ST3GAL4: variants seen among roughly 807,000 people sequenced by gnomAD.
The protein encoded by ST3GAL4 is CMP-N-acetylneuraminate-beta-galactosamide-alpha-2,3-sialyltransferase 4.
A neutral mutation model predicts 42.6 loss-of-function variants in ST3GAL4; 24 were observed. That is an observed-to-expected ratio of 0.56 (90% CI 0.41 to 0.79). The LOEUF (loss-of-function observed/expected upper bound fraction) is 0.79. Ranked by LOEUF, ST3GAL4 falls within the 30% of genes least tolerant of loss-of-function variation. The pLI, the probability that ST3GAL4 is intolerant of heterozygous loss-of-function variation, is 0.00. For synonymous variants in ST3GAL4, 135 were observed against 163.2 expected (o/e 0.83, Z 1.32); for missense variants, 311 against 430.8 (o/e 0.72, Z 2.46).
At chr11:126,405,024 C>T (rs79081778) in intron 1 of ST3GAL4, among the ~76,000 whole-genome samples, 9,688 of 152,328 alleles carry the variant, frequency 0.064, 442 homozygotes, top group Non-Finnish European at 0.1. Flanking sequence ...GATCAACCGT[C>T]GGACTCACAT....
Position 126,409,123 on chromosome 11 carries a change from T to G in ST3GAL4, c.628-145T>G, listed in dbSNP as rs943507085. ...CTGGTCTCCCATCTGTGGCACAGAC[T>G]TCACCTCCCTTTCCTCTCACCTTGT... On this transcript the variant is annotated intron_variant, in intron 8 of 10. Transcript: ENST00000444328. The surrounding 1 kb of genome is among the most constrained non-coding windows in gnomAD (Gnocchi z 4.9). 19 of 1,040,568 alleles carry G rather than the reference T, an allele frequency of 1.8e-5. No homozygotes were observed. The African/African-American group carries it at 2.7e-4, about 15-fold the overall frequency. The allele number at this position is 1,040,568 out of a possible 1,614,324, so 64.5% of individuals were successfully genotyped here. A position where few individuals can be genotyped will look rare whatever the true frequency, so the allele number is the denominator to read the frequency against.
Position 126,391,801 on chromosome 11 carries a change from G to A in ST3GAL4, c.-60-14295G>A, listed in dbSNP as rs1434498898. Among the ~76,000 whole-genome samples, 1 of 152,120 alleles carries A rather than the reference G, an allele frequency of 6.6e-6. No individual in the cohort carries two copies. The highest frequency in any genetic ancestry group is 2.4e-5 in the African/African-American group (1 of 41,420). ...AATTGAGAGGGGCTGCCATGTGTCT[G>A]GGGAGGGCAGAACCCAGCGTCACTG... is the stretch of plus-strand genomic sequence containing the variant. On this transcript the variant is annotated intron_variant, in intron 1 of 10. Transcript: ENST00000444328. The surrounding 1 kb of genome is among the most constrained non-coding windows in gnomAD (Gnocchi z 5.5).
rs192379360 is a variant in ST3GAL4 at position 126,380,784 on chromosome 11, C to T, written c.-61+24942C>T. Among the ~76,000 whole-genome samples, 680 of 152,294 alleles carry T rather than the reference C, an allele frequency of 4.5e-3. 4 individuals are homozygous for T. The highest frequency in any genetic ancestry group is 0.015 in the African/African-American group (644 of 41,558). On this transcript the variant is annotated intron_variant, in intron 1 of 10. Transcript: ENST00000444328. ...CTGAGCATCTCCAAAGAAGAGCTGC[C>T]GCATGGAGCTTCCCTGACTGGTGAC...
At chr11:126,380,699 G>A (rs899935166) in intron 1 of ST3GAL4, among the ~76,000 whole-genome samples, 2 of 152,152 alleles carry the variant, frequency 1.3e-5, no homozygotes, top group Non-Finnish European at 2.9e-5. Context: ...CAAATAAAGC[G>A]AATTGCCCTA....
At chr11:126,361,306 A>G (rs1952232864) in intron 1 of ST3GAL4, among the ~76,000 whole-genome samples, 1 of 151,388 alleles carries the variant, frequency 6.6e-6, no homozygotes, top group African/African-American at 2.4e-5. Flanking sequence ...TTCCTTGTAC[A>G]TATTGCGTTT....
rs879567686 is a variant in ST3GAL4, at chr11:126,391,939, G to A, written c.-60-14157G>A. Among the ~76,000 whole-genome samples the A allele has an allele frequency of 0.01, 1,032 of 101,778 alleles. 16 individuals carry two copies. Among genetic ancestry groups the A allele is most frequent in the East Asian group, 0.053 (254 of 4,782 alleles). The allele number at this position is 101,778 out of a possible 152,430, so 66.8% of individuals were successfully genotyped here. ...AGAACACCTGTGATAACTTGGTCGTGTGTGTGTGTGTGTGTGTGTGTGTGT... is the reference window on the plus strand; with the variant it reads ...AGAACACCTGTGATAACTTGGTCGTATGTGTGTGTGTGTGTGTGTGTGTGT... On this transcript the variant is annotated intron_variant, in intron 1 of 10. Coordinates refer to ENST00000444328, the MANE Select transcript of ST3GAL4 (RefSeq NM_001254757.2). This position sits in a 1 kb window ranked among gnomAD's most constrained non-coding sequence, Gnocchi z 5.5.
rs1953563394 is a variant in ST3GAL4, at chr11:126,392,695, T to TAAG, written c.-60-13397_-60-13395dup. ...TTAGTGCTGGAGATACTATGGGACA[T>TAAG]AAGAAGTCCCTGCTTGCTGGGAGTG... On this transcript the variant is annotated intron_variant, in intron 1 of 10. Coordinates refer to ENST00000444328, the MANE Select transcript of ST3GAL4 (RefSeq NM_001254757.2). This position sits in a 1 kb window ranked among gnomAD's most constrained non-coding sequence, Gnocchi z 5.8. Among the ~76,000 whole-genome samples the TAAG allele has an allele frequency of 6.6e-6, 1 of 152,240 alleles. No individual in the cohort carries two copies. The highest frequency in any genetic ancestry group is 2.1e-4 in the South Asian group (1 of 4,836).
intron 1 of ST3GAL4, among the ~76,000 whole-genome samples, chr11:126,388,679 T>TTTTTTTTTTTTTTTTTTTTTTTTTC (rs1239186575): frequency 8.2e-6 from 1 of 122,640 alleles, no homozygotes; most frequent in Non-Finnish European, 1.7e-5. Context: ...TTTTTTTTTT[T>TTTTTTTTTTTTTTTTTTTTTTTTTC]TTCTGATTTA....
At chr11:126,402,250 G>GT (rs1169091005) in intron 1 of ST3GAL4, among the ~76,000 whole-genome samples, 1 of 152,040 alleles carries the variant, frequency 6.6e-6, no homozygotes, top group Non-Finnish European at 1.5e-5. Context: ...GAGGCCAGGA[G>GT]TTGGACACCA....
intron 1 of ST3GAL4, among the ~76,000 whole-genome samples, chr11:126,375,288 T>C (rs895769628): frequency 6.6e-6 from 1 of 152,194 alleles, no homozygotes; most frequent in Non-Finnish European, 1.5e-5. Flanking sequence ...GGCTAGAGAC[T>C]GTGTCTCGTG....
chr11:126,405,412 C>T (rs1305974592), intron 1 of ST3GAL4, among the ~76,000 whole-genome samples: 1 of 152,258 alleles, frequency 6.6e-6, no homozygotes, highest in African/African-American at 2.4e-5. Flanking sequence ...CAGACCCTCC[C>T]AGCTCCCTGT....
chr11:126,380,842 C>A (rs1262975698), intron 1 of ST3GAL4, among the ~76,000 whole-genome samples: 1 of 152,184 alleles, frequency 6.6e-6, no homozygotes, highest in Non-Finnish European at 1.5e-5. Context: ...CTCTTTGACC[C>A]AGAGGAATCT....
intron 1 of ST3GAL4, among the ~76,000 whole-genome samples, chr11:126,382,533 C>T (rs892059986): frequency 1.2e-4 from 18 of 151,854 alleles, no homozygotes; most frequent in Non-Finnish European, 2.7e-4. Flanking sequence ...AGGATGGTTC[C>T]TCAGGGCTGG....
Position 126,406,254 on chromosome 11 carries a change from C to CTG in ST3GAL4, c.16+86_16+87dup. ...AGCAGGATCCTGGGACCTCTGGGGG[C>CTG]TGTGGAGGGACAGACAGGGAGCCAG... On this transcript the variant is annotated intron_variant, in intron 2 of 10. Transcript: ENST00000444328. This position sits in a 1 kb window ranked among gnomAD's most constrained non-coding sequence, Gnocchi z 5.4. The CTG allele has an allele frequency of 6.5e-7, 1 of 1,550,070 alleles. No homozygotes were observed.
chr11:126,358,430 T>C, intron 1 of ST3GAL4: 1 of 452,178 alleles, frequency 2.2e-6, no homozygotes, highest in Non-Finnish European at 4.4e-6. Flanking sequence ...TCTGTATGAG[T>C]GTCCTGAGTG....
Position 126,396,992 on chromosome 11 carries a change from A to T in ST3GAL4, c.-60-9104A>T, listed in dbSNP as rs1057026893. On this transcript the variant is annotated intron_variant, in intron 1 of 10. Transcript: ENST00000444328. The surrounding 1 kb of genome is among the most constrained non-coding windows in gnomAD (Gnocchi z 5.8). The stretch of plus-strand genomic sequence containing the variant: ...GAAGAGGGATTTCCTACTGGTGTCT[A>T]GTAGGTAGAGGCCAGAGATGGCTGC... 2.0e-5 allele frequency among the ~76,000 whole-genome samples: 3 copies of T among 152,092 alleles called. No homozygotes were observed. The highest frequency in any genetic ancestry group is 6.5e-5 in the Admixed American group (1 of 15,268).
Position 126,409,415 on chromosome 11 carries a change from A to G in ST3GAL4, c.771+4A>G, listed in dbSNP as rs1194855259. On this transcript the variant is annotated splice_donor_region_variant and intron_variant, in intron 9 of 10. Coordinates refer to ENST00000444328, the MANE Select transcript of ST3GAL4 (RefSeq NM_001254757.2). This position sits in a 1 kb window ranked among gnomAD's most constrained non-coding sequence, Gnocchi z 4.9. The stretch of plus-strand genomic sequence containing the variant: ...ACAGCCACGGAAGATTAAGCAGGTG[A>G]TGATGGGAAGTCAGGCCTGAGGGCT... 3 of 1,614,092 alleles carry G rather than the reference A, an allele frequency of 1.9e-6. No homozygotes were observed. Among genetic ancestry groups the G allele is most frequent in the African/African-American group, 2.7e-5 (2 of 74,918 alleles).
At chr11:126,357,145 G>C (rs576793109) in intron 1 of ST3GAL4, among the ~76,000 whole-genome samples, 1 of 152,304 alleles carries the variant, frequency 6.6e-6, no homozygotes, top group African/African-American at 2.4e-5. Context: ...AGGTTGTTTT[G>C]CTTGCTGAGA....
chr11:126,363,224 T>C lies in ST3GAL4; in HGVS notation c.-61+7382T>C, dbSNP rs1952307444. Among the ~76,000 whole-genome samples, 1 of 152,182 alleles carries C rather than the reference T, an allele frequency of 6.6e-6. No homozygotes were observed. The highest frequency in any genetic ancestry group is 2.1e-4 in the South Asian group (1 of 4,828). On this transcript the variant is annotated intron_variant, in intron 1 of 10. Coordinates refer to ENST00000444328, the MANE Select transcript of ST3GAL4 (RefSeq NM_001254757.2). The surrounding 1 kb of genome is among the most constrained non-coding windows in gnomAD (Gnocchi z 4.6). ...CTTCCTGTCCCTGTTTGAGCCGTGC[T>C]CTTCTTCTTCAATCCCTTTCTGTCT...
Sources: allele counts gnomAD v4.1 joint callset (sites outside exome capture counted in the v4.1 genomes callset), GRCh38; gene constraint gnomAD v4.1.1; non-coding constraint Gnocchi (gnomAD v3.1); transcripts MANE v1.5; gene names NCBI Gene and HGNC (gene_info 2026-07-23, HGNC 2026-07-21).